Variants in RPL32 observed in about 807,000 individuals in gnomAD.
The protein encoded by RPL32 is large ribosomal subunit protein eL32.
For missense variants in RPL32, 117 were observed against 173.7 expected, an observed-to-expected ratio of 0.67 and a Z score of 1.83; for synonymous variants, 61 against 62.6, an observed-to-expected ratio of 0.98 and a Z score of 0.12.
intron 3 of RPL32, among the ~76,000 whole-genome samples, chr3:12,838,292 A>C (rs1311558065): frequency 3.3e-5 from 5 of 152,220 alleles, no homozygotes; most frequent in African/African-American, 1.2e-4. Flanking sequence ...CTGTAATCCC[A>C]GCTCTTGGGA....
At chr3:12,840,003 G>A (rs2062135334) in intron 2 of RPL32, 139 bp downstream of exon 2, 2 of 755,860 alleles carry the variant, frequency 2.6e-6, no homozygotes, top group Admixed American at 3.8e-5. Flanking sequence ...AGGGCACACT[G>A]GGGGAGACCT....
At position 12,839,336 on chromosome 3, in the gene RPL32, G is replaced by A. The variant is rs2062126386; in HGVS notation, c.278+13C>T. 6.2e-7 allele frequency: 1 copy of A among 1,613,338 alleles called. No individual in the cohort carries two copies. Among genetic ancestry groups the A allele is most frequent in the Non-Finnish European group, 8.5e-7 (1 of 1,179,302 alleles). ...TTCTGATCACTGAAAACTAGAGGTGGGACCCAACTCACTTGTTGCACATCA... is the reference window on the plus strand; with the variant it reads ...TTCTGATCACTGAAAACTAGAGGTGAGACCCAACTCACTTGTTGCACATCA... On this transcript the variant is annotated intron_variant, in intron 3 of 3. Coordinates refer to ENST00000429711, the MANE Select transcript of RPL32 (RefSeq NM_000994.4).
In RPL32 at chr3:12,834,491, A is replaced by G. The variant is rs2062083252; in HGVS notation, c.*1603T>C. ...TAAAATTCAAAACGGTTCATTTTTA[A>G]GTGGCAGTGATGAATCAGAAATTTG... On this transcript the variant is annotated 3_prime_UTR_variant, in exon 4 of 4. Coordinates refer to ENST00000429711, the MANE Select transcript of RPL32 (RefSeq NM_000994.4). The G allele has an allele frequency of 1.3e-5, 2 of 155,262 alleles. No individual in the cohort carries two copies. The allele number at this position is 155,262 out of a possible 1,614,324, so 9.6% of individuals were successfully genotyped here.
Position 12,834,835 on chromosome 3 carries a change from G to A in RPL32, c.*1259C>T, listed in dbSNP as rs563533675. ...TCCTCTGCACGACTCGTCTCCAATT[G>A]TTAATCGAATCGCCTGAACCCAGGA... On this transcript the variant is annotated 3_prime_UTR_variant, in exon 4 of 4. Coordinates refer to ENST00000429711, the MANE Select transcript of RPL32 (RefSeq NM_000994.4). 6.6e-6 allele frequency: 1 copy of A among 152,314 alleles called. No individual in the cohort carries two copies. Among genetic ancestry groups the A allele is most frequent in the African/African-American group, 2.4e-5 (1 of 41,560 alleles). The allele number at this position is 152,314 out of a possible 1,614,324, so 9.4% of individuals were successfully genotyped here. A position where few individuals can be genotyped will look rare whatever the true frequency, so the allele number is the denominator to read the frequency against.
intron 3 of RPL32, among the ~76,000 whole-genome samples, chr3:12,837,236 C>T (rs1210996517): frequency 6.6e-6 from 1 of 152,184 alleles, no homozygotes; most frequent in East Asian, 1.9e-4. Flanking sequence ...CTACAACACT[C>T]GAATCATTTT....
rs2062093098 is a variant in RPL32 at position 12,835,546 on chromosome 3, ACTGAAAGTG to A, written c.*539_*547del. ...GCAGCTGGTGGGAGGGTTATAGGAGACTGAAAGTGCTTTTCCAGTTAACCGTGGTGGATT... is the reference window on the plus strand; with the variant it reads ...GCAGCTGGTGGGAGGGTTATAGGAGACTTTTCCAGTTAACCGTGGTGGATT... On this transcript the variant is annotated 3_prime_UTR_variant, in exon 4 of 4. Transcript: ENST00000429711. 1 of 156,030 alleles carries A rather than the reference ACTGAAAGTG, an allele frequency of 6.4e-6. No individual in the cohort carries two copies. The highest frequency in any genetic ancestry group is 1.4e-5 in the Non-Finnish European group (1 of 70,440). The allele number at this position is 156,030 out of a possible 1,614,324, so 9.7% of individuals were successfully genotyped here.
chr3:12,841,132 C>G (rs1363990721), intron 1 of RPL32: 1 of 152,642 alleles, frequency 6.6e-6, no homozygotes, highest in Non-Finnish European at 1.5e-5. Flanking sequence ...AACGAATACA[C>G]GTGGGCCGAC....
At chr3:12,840,417 A>G in intron 1 of RPL32, 175 bp from the exon 2 acceptor site, 1 of 733,474 alleles carries the variant, frequency 1.4e-6, no homozygotes, top group Non-Finnish European at 2.5e-6. Flanking sequence ...CTGGCAGAAT[A>G]CTAGGCACTC....
chr3:12,836,576 G>A (rs765596215), intron 3 of RPL32, among the ~76,000 whole-genome samples: 2 of 152,100 alleles, frequency 1.3e-5, no homozygotes, highest in Admixed American at 6.6e-5. Flanking sequence ...CCAGTCACAG[G>A]GTGCTTGACC....
At chr3:12,839,291 G>T (rs114180603) in intron 3 of RPL32, 58 bp downstream of exon 3, 3 of 1,514,240 alleles carry the variant, frequency 2.0e-6, no homozygotes, top group Non-Finnish European at 2.8e-6. Flanking sequence ...CCTGCCAGAA[G>T]TGCTCACACA....
chr3:12,839,808 G>A (rs2062133341), intron 2 of RPL32, among the ~76,000 whole-genome samples: 2 of 152,198 alleles, frequency 1.3e-5, no homozygotes, highest in South Asian at 2.1e-4. Flanking sequence ...GAGATGGCAA[G>A]CACAGCTGCA....
intron 2 of RPL32, 155 bp from the exon 3 acceptor site, chr3:12,839,685 G>A: frequency 1.3e-6 from 1 of 769,910 alleles, no homozygotes; most frequent in Admixed American, 2.4e-5. Flanking sequence ...TTTTTGGTGG[G>A]AAAAACCAGG....
chr3:12,840,070 C>T, intron 2 of RPL32, 72 bp downstream of exon 2: 3 of 1,168,348 alleles, frequency 2.6e-6, no homozygotes, highest in Non-Finnish European at 3.8e-6. Context: ...ATAATCCTGA[C>T]TAGGTGATGT....
intron 1 of RPL32, 171 bp from the exon 2 acceptor site, chr3:12,840,413 G>C (rs747538724): frequency 6.8e-6 from 5 of 736,736 alleles, no homozygotes; most frequent in Non-Finnish European, 1.3e-5. Flanking sequence ...GAAGCTGGCA[G>C]AATACTAGGC....
intron 2 of RPL32, 71 bp downstream of exon 2, chr3:12,840,071 T>G: frequency 8.8e-7 from 1 of 1,134,604 alleles, no homozygotes; most frequent in East Asian, 2.3e-5. Flanking sequence ...TAATCCTGAC[T>G]AGGTGATGTC....
intron 1 of RPL32, 80 bp from the exon 2 acceptor site, chr3:12,840,322 G>T: frequency 1.9e-6 from 2 of 1,027,546 alleles, no homozygotes; most frequent in Non-Finnish European, 1.5e-6. Context: ...CACTGTCGCA[G>T]AGTGTCTTCC....
At chr3:12,840,582 C>T (rs2062143878) in intron 1 of RPL32, 1 of 480,976 alleles carries the variant, frequency 2.1e-6, no homozygotes, top group Non-Finnish European at 4.2e-6. Flanking sequence ...CCAGATGGTC[C>T]TTCCGGTAGT....
intron 3 of RPL32, chr3:12,839,135 G>C: frequency 3.3e-6 from 2 of 605,234 alleles, no homozygotes. Context: ...TCTACACTTA[G>C]AAGACCAAGT....
At chr3:12,839,216 T>C (rs11709764) in intron 3 of RPL32, 133 bp downstream of exon 3, 21,642 of 779,476 alleles carry the variant, frequency 0.028, 368 homozygotes, top group African/African-American at 0.041. Context: ...AAGGAACAAC[T>C]TCTGATTCCC....
Sources: gnomAD v4.1 joint callset for allele counts (sites outside exome capture counted in the v4.1 genomes callset) on GRCh38, gnomAD v4.1.1 for gene constraint, MANE v1.5 for transcripts, NCBI Gene and HGNC (gene_info 2026-07-23, HGNC 2026-07-21) for gene names.